The following DAB1 variants were observed in gnomAD, a reference collection of about 807,000 sequenced individuals.
DAB1 encodes disabled homolog 1.
Under a neutral mutation model 64.6 loss-of-function variants are expected in DAB1, and 15 were observed. That is an observed-to-expected ratio of 0.23 (90% CI 0.16 to 0.36). DAB1 has a LOEUF of 0.36. DAB1 is among the 10% of genes least tolerant of loss of function. The pLI is 1.00. For missense variants in DAB1, 596 were observed against 706.7 expected (o/e 0.84, Z 1.78); for synonymous variants, 235 against 251.9 (o/e 0.93, Z 0.64).
intron 1 of DAB1, among the ~76,000 whole-genome samples, chr1:57,423,714 C>G (rs1685111360): frequency 6.6e-6 from 1 of 152,036 alleles, no homozygotes; most frequent in Admixed American, 6.5e-5. Context: ...GAGAAGTCGC[C>G]CTTTTCCTCC....
intron 4 of DAB1, among the ~76,000 whole-genome samples, chr1:58,322,059 C>G (rs1251174227): frequency 1.3e-5 from 2 of 152,284 alleles, no homozygotes; most frequent in Middle Eastern, 3.4e-3. Context: ...GAAACTGGAT[C>G]CCTTCCTTAC....
At chr1:58,272,415 T>A (rs553399450) in intron 4 of DAB1, among the ~76,000 whole-genome samples, 574 of 50,914 alleles carry the variant, frequency 0.011, 33 homozygotes, top group African/African-American at 0.043. Flanking sequence ...TCTGTTCGTT[T>A]ACATTTGCTG....
chr1:57,791,256 T>G (rs1035630367), intron 6 of DAB1, among the ~76,000 whole-genome samples: 2 of 152,328 alleles, frequency 1.3e-5, no homozygotes, highest in Non-Finnish European at 2.9e-5. Flanking sequence ...CCCCCCTGTG[T>G]TGGAACTTGA....
intron 1 of DAB1, among the ~76,000 whole-genome samples, chr1:57,300,988 C>G (rs578225304): frequency 6.6e-6 from 1 of 151,848 alleles, no homozygotes; most frequent in African/African-American, 2.4e-5. Flanking sequence ...CAGGAATCAC[C>G]CAGGGACCAA....
intron 1 of DAB1, among the ~76,000 whole-genome samples, chr1:57,848,677 C>T (rs1366375956): frequency 6.6e-6 from 1 of 152,132 alleles, no homozygotes; most frequent in Non-Finnish European, 1.5e-5. Context: ...TCAGGAATGT[C>T]CAAGCCAAAC....
chr1:57,474,863 G>A (rs1643914966), intron 7 of DAB1, among the ~76,000 whole-genome samples: 1 of 152,158 alleles, frequency 6.6e-6, no homozygotes, highest in Admixed American at 6.5e-5. Context: ...AAAATATAAA[G>A]TAGGAACCTG....
chr1:58,495,591 A>G (rs1229487444), intron 3 of DAB1, among the ~76,000 whole-genome samples: 2 of 151,900 alleles, frequency 1.3e-5, no homozygotes, highest in African/African-American at 4.8e-5. Flanking sequence ...AAAACTGTAT[A>G]TTTTATCTAA....
intron 6 of DAB1, among the ~76,000 whole-genome samples, chr1:57,778,183 T>C (rs1397859787): frequency 6.6e-6 from 1 of 152,074 alleles, no homozygotes; most frequent in Non-Finnish European, 1.5e-5. Context: ...TATGATATGA[T>C]AGGCATATCA....
At chr1:57,194,011 C>A (rs1664401095) in intron 2 of DAB1, among the ~76,000 whole-genome samples, 1 of 152,198 alleles carries the variant, frequency 6.6e-6, no homozygotes, top group Non-Finnish European at 1.5e-5. Flanking sequence ...TGTTATGGGG[C>A]AGTGCTGGGC....
At chr1:58,056,256 C>T in intron 5 of DAB1, 1 of 1,350,574 alleles carries the variant, frequency 7.4e-7, no homozygotes, top group Non-Finnish European at 1.0e-6. Flanking sequence ...TTGCACAACT[C>T]ACACAGTAAT....
At chr1:58,388,340 C>T (rs1644450167) in intron 3 of DAB1, among the ~76,000 whole-genome samples, 1 of 152,168 alleles carries the variant, frequency 6.6e-6, no homozygotes, top group South Asian at 2.1e-4. Flanking sequence ...CCATTTTCAG[C>T]CAATAGATGT....
At chr1:57,796,510 G>A (rs570121654) in intron 6 of DAB1, among the ~76,000 whole-genome samples, 175 of 151,332 alleles carry the variant, frequency 1.2e-3, no homozygotes, top group African/African-American at 4.1e-3. Context: ...CTGGGCGACA[G>A]AGCAAAACTC....
intron 4 of DAB1, among the ~76,000 whole-genome samples, chr1:58,151,231 T>C (rs1654918334): frequency 6.6e-6 from 1 of 152,244 alleles, no homozygotes. Context: ...CTGGGTCAAA[T>C]GGTATTTCTA....
chr1:58,146,595 T>C (rs999413334), intron 5 of DAB1, among the ~76,000 whole-genome samples: 1 of 152,188 alleles, frequency 6.6e-6, no homozygotes, highest in Non-Finnish European at 1.5e-5. Context: ...ATTGAGATCA[T>C]GTGATATTTG....
At chr1:58,361,863 C>CTTTTTTTTTTT (rs34029239) in intron 3 of DAB1, among the ~76,000 whole-genome samples, 4 of 84,022 alleles carry the variant, frequency 4.8e-5, no homozygotes, top group Non-Finnish European at 6.2e-5. Context: ...AAAGATCCCC[C>CTTTTTTTTTTT]TTTTTTTTTT....
intron 4 of DAB1, among the ~76,000 whole-genome samples, chr1:57,085,063 C>T (rs1652937067): frequency 6.6e-6 from 1 of 152,182 alleles, no homozygotes; most frequent in South Asian, 2.1e-4. Context: ...ACCTTAGGGT[C>T]TCAGCAGGCA....
chr1:57,337,935 T>G (rs1243803937), intron 1 of DAB1, among the ~76,000 whole-genome samples: 1 of 143,806 alleles, frequency 7.0e-6, no homozygotes, highest in East Asian at 2.2e-4. Context: ...CTTTTTTCTC[T>G]CTCTCTTCCT....
At chr1:58,156,450 T>C (rs902680780) in intron 4 of DAB1, among the ~76,000 whole-genome samples, 16 of 152,234 alleles carry the variant, frequency 1.1e-4, no homozygotes, top group African/African-American at 3.9e-4. Flanking sequence ...ACACCCTCTA[T>C]TTCCACTCAC....
At chr1:58,350,394 C>T (rs748818379) in intron 3 of DAB1, among the ~76,000 whole-genome samples, 2 of 152,150 alleles carry the variant, frequency 1.3e-5, no homozygotes, top group African/African-American at 2.4e-5. Context: ...AAATTTTCTC[C>T]GGTTCTGTAG....
Sources: allele counts gnomAD v4.1 joint callset (sites outside exome capture counted in the v4.1 genomes callset), GRCh38; gene constraint gnomAD v4.1.1; transcripts MANE v1.5; gene names NCBI Gene and HGNC (gene_info 2026-07-23, HGNC 2026-07-21).